Variants in ZNF800 observed in about 807,000 individuals in gnomAD.
ZNF800 encodes the protein zinc finger protein 800.
A neutral mutation model predicts 59.5 loss-of-function variants in ZNF800; 13 were observed. The observed-to-expected ratio is 0.22, with a 90% confidence interval of 0.14 to 0.35. The LOEUF (loss-of-function observed/expected upper bound fraction) is 0.35. Among genes scored for constraint, ZNF800 ranks in the 10% least tolerant of loss-of-function variants. ZNF800 has a pLI of 1.00. For synonymous variants in ZNF800, 266 were observed against 265.7 expected (o/e 1.00, Z -0.01); for missense variants, 621 against 783.7 (o/e 0.79, Z 2.48).
In ZNF800 at chr7:127,374,374, T is replaced by G. The variant is rs545651907; in HGVS notation, c.962A>C (p.Asp321Ala). 24 of 1,613,904 alleles carry G rather than the reference T, an allele frequency of 1.5e-5. No homozygotes were observed. In the South Asian group the frequency reaches 2.6e-4, roughly 18 times the overall value. ...RGLRRDSITP[D>A]IATKPGQPLF... ...AGGTTGCCCAGGCTTTGTTGCTATA[T>G]CAGGAGTAATTGAATCCCTCCTTAG... The change falls in exon 5 of 6, where the codon GAT becomes GCT. Residue 321 changes from aspartate to alanine, a missense_variant. Physicochemically the swap from Asp to Ala is moderately radical, Grantham distance 126. Transcript: ENST00000265827.
rs1303044851 is a variant in ZNF800 at position 127,373,682 on chromosome 7, T to C, written c.1654A>G (p.Ile552Val). Residue 552 changes from isoleucine to valine, a missense_variant, in exon 5 of 6, where the codon ATA becomes GTA. Physicochemically the swap from Ile to Val is conservative, Grantham distance 29. Transcript: ENST00000265827. ...HKKSSRYLGK[I>V]TASLEIRAIK... Reference sequence around the variant, plus strand: ...GCTCTGATCTCTAAACTGGCTGTTATTTTCCCAAGATAACGAGATGACTTT... The same window carrying C: ...GCTCTGATCTCTAAACTGGCTGTTACTTTCCCAAGATAACGAGATGACTTT... 2 of 1,614,176 alleles carry C rather than the reference T, an allele frequency of 1.2e-6. No individual in the cohort carries two copies. The highest frequency in any genetic ancestry group is 1.6e-4 in the Middle Eastern group (1 of 6,062).
chr7:127,354,411 A>C (rs759211602), intron 1 of ZNF800, among the ~76,000 whole-genome samples: 7 of 152,134 alleles, frequency 4.6e-5, no homozygotes, highest in African/African-American at 7.2e-5. Context: ...GCAGTATAGC[A>C]AAATGGAAAG....
chr7:127,355,996 A>G (rs1264294738), intron 1 of ZNF800, among the ~76,000 whole-genome samples: 1 of 152,052 alleles, frequency 6.6e-6, no homozygotes, highest in African/African-American at 2.4e-5. Context: ...CACCCAAAAA[A>G]CATAAACCAG....
downstream of ZNF800, among the ~76,000 whole-genome samples, chr7:127,368,534 A>C (rs139290897): frequency 6.6e-6 from 1 of 152,248 alleles, no homozygotes; most frequent in African/African-American, 2.4e-5. Flanking sequence ...TCCAACTCCA[A>C]ACTAAGGATC....
chr7:127,391,602 T>C lies in ZNF800; in HGVS notation c.-45A>G. The stretch of plus-strand genomic sequence containing the variant: ...CTTTGCTTTCACTGTAAGAAGCTCT[T>C]CATTGCGGCGTGGCTGTTGAAAGAA... On this transcript the variant is annotated 5_prime_UTR_variant, in exon 2 of 6. Transcript: ENST00000265827. 1 of 1,579,990 alleles carries C rather than the reference T, an allele frequency of 6.3e-7. No homozygotes were observed. Among genetic ancestry groups the C allele is most frequent in the Non-Finnish European group, 8.7e-7 (1 of 1,149,052 alleles).
At chr7:127,367,856 C>T (rs548276010), downstream of ZNF800, among the ~76,000 whole-genome samples, 54 of 152,198 alleles carry the variant, frequency 3.5e-4, no homozygotes, top group African/African-American at 1.3e-3. Context: ...CACAATCAAG[C>T]AAATTAATTC....
chr7:127,384,227 C>CTTTTTTT lies in ZNF800; in HGVS notation c.157+1826_157+1832dup, dbSNP rs577977623. On this transcript the variant is annotated intron_variant, in intron 3 of 5. Transcript: ENST00000265827. Reference sequence around the variant, plus strand: ...CTTATGACTTAACTAATTCTAACTTCTTTTTTTTTTTTTTTTTTTTTTTTT... The same window carrying CTTTTTTT: ...CTTATGACTTAACTAATTCTAACTTCTTTTTTTTTTTTTTTTTTTTTTTTTTTTTTTT... Among the ~76,000 whole-genome samples, 232 of 63,348 alleles carry CTTTTTTT rather than the reference C, an allele frequency of 3.7e-3. 15 individuals are homozygous for CTTTTTTT. The highest frequency in any genetic ancestry group is 4.0e-3 in the Non-Finnish European group (143 of 36,084). The allele number at this position is 63,348 out of a possible 152,430, so 41.6% of individuals were successfully genotyped here.
chr7:127,371,172 A>G lies in ZNF800; in HGVS notation c.*642T>C, dbSNP rs748438484. On this transcript the variant is annotated 3_prime_UTR_variant, in exon 6 of 6. Transcript: ENST00000265827. ...TTACAAGTGAAAAATGTAATGATCC[A>G]TGCATGAAAATGAACTGCAGCTTTC... 1 of 152,640 alleles carries G rather than the reference A, an allele frequency of 6.6e-6. No homozygotes were observed. Among genetic ancestry groups the G allele is most frequent in the Admixed American group, 6.5e-5 (1 of 15,286 alleles). 9.5% of individuals were successfully genotyped at this position (152,640 alleles called of 1,614,324 possible).
chr7:127,367,512 G>A (rs1800536711), downstream of ZNF800, among the ~76,000 whole-genome samples: 1 of 152,092 alleles, frequency 6.6e-6, no homozygotes, highest in Non-Finnish European at 1.5e-5. Context: ...GGTAGGATTA[G>A]GGACATTATG....
At chr7:127,391,760 C>A in intron 1 of ZNF800, 145 bp from the exon 2 acceptor site, 2 of 622,820 alleles carry the variant, frequency 3.2e-6, no homozygotes, top group Non-Finnish European at 5.8e-6. Context: ...CAGAAAGACG[C>A]ACAAACCCTC....
chr7:127,344,923 G>A (rs987061849), downstream of ZNF800, among the ~76,000 whole-genome samples: 3 of 152,032 alleles, frequency 2.0e-5, no homozygotes, highest in Admixed American at 1.3e-4. Flanking sequence ...GGAAAGAGAA[G>A]ACCTCTTTAA....
At chr7:127,345,545 G>C (rs1462838911), downstream of ZNF800, among the ~76,000 whole-genome samples, 1 of 152,178 alleles carries the variant, frequency 6.6e-6, no homozygotes, top group Non-Finnish European at 1.5e-5. Flanking sequence ...AGAGACAACA[G>C]CATTTCCTAG....
intron 4 of ZNF800, among the ~76,000 whole-genome samples, chr7:127,375,766 T>C (rs2117122350): frequency 6.6e-6 from 1 of 152,128 alleles, no homozygotes; most frequent in Non-Finnish European, 1.5e-5. Context: ...TGTCTAACAC[T>C]GGTTAGGTTT....
chr7:127,347,560 AAAG>A (rs1434593121), exon 2 of ZNF800: 1 of 152,284 alleles, frequency 6.6e-6, no homozygotes, highest in Non-Finnish European at 1.5e-5. Flanking sequence ...CAAGATTCTC[AAAG>A]AAGCCGGGAT....
In ZNF800 at chr7:127,392,578, C is replaced by T. The variant is rs1401361420; in HGVS notation, c.-577G>A. ...GCCTTTTCGGTGGTAGTTGTTGTTTCAGGAAACTTTATTAAGTCAGCCTCT... is the reference window on the plus strand; with the variant it reads ...GCCTTTTCGGTGGTAGTTGTTGTTTTAGGAAACTTTATTAAGTCAGCCTCT... On this transcript the variant is annotated 5_prime_UTR_variant, in exon 1 of 6. Coordinates refer to ENST00000265827, the MANE Select transcript of ZNF800 (RefSeq NM_176814.5). 2 of 224,156 alleles carry T rather than the reference C, an allele frequency of 8.9e-6. No individual in the cohort carries two copies. Among genetic ancestry groups the T allele is most frequent in the Non-Finnish European group, 1.7e-5 (2 of 115,236 alleles). The allele number at this position is 224,156 out of a possible 1,614,324, so 13.9% of individuals were successfully genotyped here. A position where few individuals can be genotyped will look rare whatever the true frequency, so the allele number is the denominator to read the frequency against.
downstream of ZNF800, among the ~76,000 whole-genome samples, chr7:127,346,620 C>G (rs1169047648): frequency 6.6e-6 from 1 of 152,152 alleles, no homozygotes; most frequent in Non-Finnish European, 1.5e-5. Flanking sequence ...AATTAGCTGT[C>G]AGTGAGCAAG....
intron 3 of ZNF800, among the ~76,000 whole-genome samples, chr7:127,378,550 G>A (rs1370713956): frequency 1.3e-5 from 2 of 152,020 alleles, no homozygotes; most frequent in African/African-American, 2.4e-5. Flanking sequence ...TAGGCTCTGG[G>A]ACTACTAAAG....
downstream of ZNF800, among the ~76,000 whole-genome samples, chr7:127,368,028 C>A (rs1259018478): frequency 1.3e-5 from 2 of 151,924 alleles, no homozygotes; most frequent in Non-Finnish European, 2.9e-5. Context: ...TGGTGTGGAG[C>A]AATGAAGATT....
intron 2 of ZNF800, 95 bp downstream of exon 2, chr7:127,391,402 G>A (rs1441586838): frequency 5.9e-6 from 7 of 1,194,350 alleles, no homozygotes; most frequent in Non-Finnish European, 8.8e-6. Flanking sequence ...GCTTAAGAAT[G>A]ACTACTGGGG....
Sources: allele counts gnomAD v4.1 joint callset (sites outside exome capture counted in the v4.1 genomes callset), GRCh38; gene constraint gnomAD v4.1.1; transcripts MANE v1.5; gene names NCBI Gene and HGNC (gene_info 2026-07-23, HGNC 2026-07-21).